DAAM2: variants seen among roughly 807,000 people sequenced by gnomAD.
DAAM2 encodes disheveled-associated activator of morphogenesis 2.
A neutral mutation model predicts 120.7 loss-of-function variants in DAAM2; 39 were observed. The observed-to-expected ratio is 0.32, with a 90% CI of 0.25 to 0.42. DAAM2 has a LOEUF of 0.42. Ranked by LOEUF, DAAM2 falls within the 10% of genes least tolerant of loss-of-function variation. The pLI is 1.00. For synonymous variants in DAAM2, 488 were observed against 524.9 expected (o/e 0.93, Z 0.96); for missense variants, 1,283 against 1,401.7 (o/e 0.92, Z 1.35).
Position 39,904,438 on chromosome 6 carries a change from T to C in DAAM2, c.*2401T>C, listed in dbSNP as rs1435763427. 1 of 454,748 alleles carries C rather than the reference T, an allele frequency of 2.2e-6. No individual in the cohort carries two copies. The highest frequency in any genetic ancestry group is 4.4e-6 in the Non-Finnish European group (1 of 226,976). The allele number at this position is 454,748 out of a possible 1,614,324, so 28.2% of individuals were successfully genotyped here. Reference sequence around the variant, plus strand: ...GAGCTGGTCCTTAATAGGTTGTTTCTTGGTCTTGCTTTCTTCATGCCCTCC... The same window carrying C: ...GAGCTGGTCCTTAATAGGTTGTTTCCTGGTCTTGCTTTCTTCATGCCCTCC... On this transcript the variant is annotated 3_prime_UTR_variant, in exon 25 of 25. Transcript: ENST00000274867.
intron 1 of DAAM2, among the ~76,000 whole-genome samples, chr6:39,838,496 T>C (rs1217057596): frequency 1.3e-5 from 2 of 152,084 alleles, no homozygotes; most frequent in Admixed American, 1.3e-4. Flanking sequence ...GGCTGGTTGG[T>C]CGAGGCCTTG....
At chr6:39,863,960 T>A (rs1032578986) in intron 3 of DAAM2, among the ~76,000 whole-genome samples, 2 of 152,228 alleles carry the variant, frequency 1.3e-5, no homozygotes, top group Non-Finnish European at 2.9e-5. Context: ...TTTCTATTAG[T>A]GTTCTAGAAA....
At chr6:39,802,635 A>G (rs1424059296) in intron 1 of DAAM2, among the ~76,000 whole-genome samples, 1 of 152,168 alleles carries the variant, frequency 6.6e-6, no homozygotes. Flanking sequence ...CTCAAGAAAC[A>G]TTTATTAAAT....
chr6:39,886,583 G>A (rs1765390154), intron 15 of DAAM2: 2 of 397,806 alleles, frequency 5.0e-6, no homozygotes, highest in Non-Finnish European at 8.9e-6. Flanking sequence ...GGTGGTATGG[G>A]AGAGGGCCCC....
rs947991156 is a variant in DAAM2, at chr6:39,856,253, A to G, written c.-50A>G. 10 of 1,406,158 alleles carry G rather than the reference A, an allele frequency of 7.1e-6. No homozygotes were observed. The highest frequency in any genetic ancestry group is 2.2e-4 in the Middle Eastern group (1 of 4,476). The allele number at this position is 1,406,158 out of a possible 1,614,324, so 87.1% of individuals were successfully genotyped here. On this transcript the variant is annotated 5_prime_UTR_variant, in exon 2 of 25. The change abolishes an upstream ATG in the 5' untranslated region. Coordinates refer to ENST00000274867, the MANE Select transcript of DAAM2 (RefSeq NM_001201427.2). Reference sequence around the variant, plus strand: ...GTTCTCTCCTCTTGTCCAGATCACAATGAGGACCTAGGGCATCTGTCTGCT... The same window carrying G: ...GTTCTCTCCTCTTGTCCAGATCACAGTGAGGACCTAGGGCATCTGTCTGCT...
At chr6:39,793,552 C>T (rs61628203) in intron 1 of DAAM2, among the ~76,000 whole-genome samples, 1 of 113,304 alleles carries the variant, frequency 8.8e-6, no homozygotes, top group Admixed American at 8.5e-5. Flanking sequence ...CATAGGTTTT[C>T]CCTTGATGCC....
chr6:39,897,733 C>A (rs1030625516), intron 21 of DAAM2, among the ~76,000 whole-genome samples: 3 of 152,062 alleles, frequency 2.0e-5, no homozygotes, highest in African/African-American at 2.4e-5. Context: ...AAATCTCCAC[C>A]TAGGGGTGTG....
intron 17 of DAAM2, among the ~76,000 whole-genome samples, chr6:39,890,091 G>A (rs1158251628): frequency 6.6e-6 from 1 of 151,932 alleles, no homozygotes; most frequent in Non-Finnish European, 1.5e-5. Flanking sequence ...TGGTGCCATT[G>A]CACTCCAGCC....
chr6:39,868,793 C>A, intron 6 of DAAM2, 30 bp from the exon 7 acceptor site: 1 of 1,524,618 alleles, frequency 6.6e-7, no homozygotes, highest in Non-Finnish European at 8.9e-7. Context: ...TCAGCCCTCT[C>A]CTCCTGCTCT....
intron 1 of DAAM2, among the ~76,000 whole-genome samples, chr6:39,845,580 C>T (rs1325965545): frequency 6.6e-6 from 1 of 151,740 alleles, no homozygotes; most frequent in Non-Finnish European, 1.5e-5. Context: ...AAATACATAC[C>T]ACACACACAT....
chr6:39,830,402 C>G (rs2114189690), intron 1 of DAAM2, among the ~76,000 whole-genome samples: 1 of 152,220 alleles, frequency 6.6e-6, no homozygotes, highest in East Asian at 1.9e-4. Context: ...TCCACGCACT[C>G]CCTCCCAGGG....
intron 1 of DAAM2, among the ~76,000 whole-genome samples, chr6:39,839,079 G>A (rs904245313): frequency 6.6e-6 from 1 of 152,108 alleles, no homozygotes; most frequent in Non-Finnish European, 1.5e-5. Flanking sequence ...GTTGGGTCTA[G>A]GCTAGGCATT....
At chr6:39,812,271 G>A (rs1481640917) in intron 1 of DAAM2, among the ~76,000 whole-genome samples, 1 of 152,148 alleles carries the variant, frequency 6.6e-6, no homozygotes, top group Non-Finnish European at 1.5e-5. Context: ...TGTATGGAGG[G>A]CTCACTAGGT....
intron 7 of DAAM2, among the ~76,000 whole-genome samples, chr6:39,869,744 G>A (rs1253316221): frequency 4.3e-5 from 6 of 139,114 alleles, no homozygotes; most frequent in Non-Finnish European, 7.7e-5. Flanking sequence ...CCTCTTTTCC[G>A]CCAGCATACT....
chr6:39,867,272 A>AT (rs948596403), intron 5 of DAAM2: 8 of 532,906 alleles, frequency 1.5e-5, no homozygotes, highest in Non-Finnish European at 2.4e-5. Context: ...CATTCATACC[A>AT]TTTTAGCTAT....
At chr6:39,858,529 G>T (rs907643585) in intron 2 of DAAM2, among the ~76,000 whole-genome samples, 1 of 152,142 alleles carries the variant, frequency 6.6e-6, no homozygotes, top group African/African-American at 2.4e-5. Flanking sequence ...GGCAGGATAG[G>T]ATATACTGGA....
At position 39,901,737 on chromosome 6, in the gene DAAM2, G is replaced by A; in HGVS notation, c.2983-76G>A. 7 of 1,351,314 alleles carry A rather than the reference G, an allele frequency of 5.2e-6. No homozygotes were observed. The highest frequency in any genetic ancestry group is 6.9e-6 in the Non-Finnish European group (7 of 1,016,242). The allele number at this position is 1,351,314 out of a possible 1,614,324, so 83.7% of individuals were successfully genotyped here. ...CAGCATGACCATGGCCTAGGAGTTA[G>A]CCCAGGGTTGGGGGGCTGCCCTGGC... On this transcript the variant is annotated intron_variant, in intron 24 of 24. Coordinates refer to ENST00000274867, the MANE Select transcript of DAAM2 (RefSeq NM_001201427.2). This position sits in a 1 kb window ranked among gnomAD's most constrained non-coding sequence, Gnocchi z 4.5.
In DAAM2 at chr6:39,897,603, C is replaced by T. The variant is rs570077541; in HGVS notation, c.2618+321C>T. Among the ~76,000 whole-genome samples the T allele has an allele frequency of 3.9e-5, 6 of 152,196 alleles. No individual in the cohort carries two copies. The South Asian group carries it at 6.2e-4, about 16-fold the overall frequency. Reference sequence around the variant, plus strand: ...AGACTCCCAGTATGGGAGACTTACACGATTATTCATAAAGAGGTGGGAAGA... The same window carrying T: ...AGACTCCCAGTATGGGAGACTTACATGATTATTCATAAAGAGGTGGGAAGA... On this transcript the variant is annotated intron_variant, in intron 21 of 24. Transcript: ENST00000274867.
rs574528359 is a variant in DAAM2 at position 39,828,562 on chromosome 6, C to T, written c.-56-27685C>T. ...GGGCCTAAGCTAATTCCCTCCACCC[C>T]CCTCCGTCTTTTTTTTTTTGAGACG... On this transcript the variant is annotated intron_variant, in intron 1 of 24. Coordinates refer to ENST00000274867, the MANE Select transcript of DAAM2 (RefSeq NM_001201427.2). 3.3e-5 allele frequency among the ~76,000 whole-genome samples: 4 copies of T among 120,106 alleles called. No homozygotes were observed. In the East Asian group the frequency reaches 8.3e-4, roughly 25 times the overall value. 78.8% of individuals were successfully genotyped at this position (120,106 alleles called of 152,430 possible).
Sources: gnomAD v4.1 joint callset for allele counts (sites outside exome capture counted in the v4.1 genomes callset) on GRCh38, gnomAD v4.1.1 for gene constraint, Gnocchi (gnomAD v3.1) non-coding constraint, MANE v1.5 for transcripts, NCBI Gene and HGNC (gene_info 2026-07-23, HGNC 2026-07-21) for gene names.